Variants in HDAC9 observed in about 807,000 individuals in gnomAD.
The protein encoded by HDAC9 is MEF-2 interacting transcription repressor (MITR) protein.
HDAC9 carries 41 observed loss-of-function variants against 139.4 expected under a neutral mutation model. The observed-to-expected ratio is 0.29, with a 90% confidence interval of 0.23 to 0.38. The LOEUF (loss-of-function observed/expected upper bound fraction) is 0.38. Ranked by LOEUF, HDAC9 falls within the 10% of genes least tolerant of loss-of-function variation. The pLI is 1.00. For missense variants in HDAC9, 1,147 were observed against 1,297.0 expected, an observed-to-expected ratio of 0.88 and a Z score of 1.78; for synonymous variants, 517 against 476.2, an observed-to-expected ratio of 1.09 and a Z score of -1.12.
intron 2 of HDAC9, among the ~76,000 whole-genome samples, chr7:18,532,132 C>A (rs1385217824): frequency 6.6e-6 from 1 of 152,048 alleles, no homozygotes; most frequent in Non-Finnish European, 1.5e-5. Context: ...CACCTGTAGT[C>A]CCAGCTACTT....
chr7:18,596,554 A>G (rs984406455), intron 6 of HDAC9, among the ~76,000 whole-genome samples: 5 of 152,268 alleles, frequency 3.3e-5, no homozygotes, highest in Middle Eastern at 3.4e-3. Context: ...CAAAGCGAAC[A>G]ATAAAATTTT....
chr7:18,138,011 A>G (rs1463167149), intron 1 of HDAC9, among the ~76,000 whole-genome samples: 3 of 152,060 alleles, frequency 2.0e-5, no homozygotes, highest in South Asian at 2.1e-4. Context: ...CAGAGATTCA[A>G]CTTCTTCCTG....
intron 2 of HDAC9, among the ~76,000 whole-genome samples, chr7:18,531,735 G>A (rs981208995): frequency 1.3e-5 from 2 of 151,892 alleles, no homozygotes; most frequent in African/African-American, 4.8e-5. Context: ...GGCCTCTAAT[G>A]TGCTTGTGTA....
chr7:18,327,957 CA>C (rs2128643896), intron 1 of HDAC9, among the ~76,000 whole-genome samples: 1 of 151,952 alleles, frequency 6.6e-6, no homozygotes. Context: ...TGGCTTTCAG[CA>C]ATAGGCTGCC....
At chr7:18,507,281 C>G (rs1490916921) in intron 2 of HDAC9, among the ~76,000 whole-genome samples, 1 of 151,088 alleles carries the variant, frequency 6.6e-6, no homozygotes, top group East Asian at 1.9e-4. Flanking sequence ...AGCTCCACCT[C>G]CCGGGTTCAC....
intron 22 of HDAC9, among the ~76,000 whole-genome samples, chr7:18,906,397 G>A (rs2389993): frequency 0.77 from 116,990 of 152,036 alleles, 45,246 homozygotes; most frequent in East Asian, 0.89. Flanking sequence ...CACCTGCCTC[G>A]GCCTCCCAAA....
At chr7:18,600,433 A>G (rs1833645628) in intron 6 of HDAC9, among the ~76,000 whole-genome samples, 1 of 152,164 alleles carries the variant, frequency 6.6e-6, no homozygotes, top group Non-Finnish European at 1.5e-5. Flanking sequence ...ATTTAGATCT[A>G]TAATTCGTTT....
chr7:18,963,389 C>T (rs1204388886), intron 24 of HDAC9, among the ~76,000 whole-genome samples: 2 of 152,100 alleles, frequency 1.3e-5, no homozygotes, highest in Non-Finnish European at 2.9e-5. Flanking sequence ...CTAATTTAGA[C>T]CCTCAATATA....
chr7:18,486,974 T>C (rs537363738), intron 1 of HDAC9, among the ~76,000 whole-genome samples: 1 of 152,090 alleles, frequency 6.6e-6, no homozygotes, highest in African/African-American at 2.4e-5. Flanking sequence ...GCCAAGGAGA[T>C]CATCTTTGGA....
chr7:18,575,140 T>A (rs1825622069), intron 2 of HDAC9, among the ~76,000 whole-genome samples: 1 of 152,238 alleles, frequency 6.6e-6, no homozygotes, highest in African/African-American at 2.4e-5. Context: ...ACTTCTTAAT[T>A]TACTTTTCCT....
chr7:18,362,424 C>T (rs549948615), intron 1 of HDAC9, among the ~76,000 whole-genome samples: 2 of 152,206 alleles, frequency 1.3e-5, no homozygotes, highest in East Asian at 1.9e-4. Flanking sequence ...CTTAGATGAT[C>T]CAGTCATTAA....
intron 1 of HDAC9, among the ~76,000 whole-genome samples, chr7:18,136,059 A>G (rs879675814): frequency 0.027 from 3,881 of 146,130 alleles, 99 homozygotes; most frequent in African/African-American, 0.098. Flanking sequence ...GCCAGTGATG[A>G]TGAGCATTTT....
chr7:18,782,722 C>G (rs1791354399), intron 16 of HDAC9, among the ~76,000 whole-genome samples: 1 of 151,796 alleles, frequency 6.6e-6, no homozygotes, highest in African/African-American at 2.4e-5. Context: ...TCTTAGTTAC[C>G]ATTGACTGAG....
chr7:18,841,033 T>C (rs1291094651), intron 21 of HDAC9, among the ~76,000 whole-genome samples: 2 of 152,114 alleles, frequency 1.3e-5, no homozygotes, highest in African/African-American at 2.4e-5. Context: ...AGAGATTTCT[T>C]AGAATGGTTG....
chr7:18,675,266 T>C (rs1183103426), intron 12 of HDAC9, among the ~76,000 whole-genome samples: 1 of 152,066 alleles, frequency 6.6e-6, no homozygotes, highest in Non-Finnish European at 1.5e-5. Flanking sequence ...TGCATGGAAC[T>C]GCCTCGTACG....
intron 1 of HDAC9, among the ~76,000 whole-genome samples, chr7:18,093,749 G>C (rs1362710576): frequency 6.6e-6 from 1 of 152,028 alleles, no homozygotes; most frequent in African/African-American, 2.4e-5. Flanking sequence ...CCACTGTTTT[G>C]ATCTTGAAAA....
rs11980192 is a variant in HDAC9 at position 18,762,853 on chromosome 7, T to A, written c.2164+576T>A. On this transcript the variant is annotated intron_variant, in intron 15 of 25. Coordinates refer to ENST00000686413, the MANE Select transcript of HDAC9 (RefSeq NM_178425.4). ...AACAGTTTTTTGTTAATGTATGATT[T>A]TTTGAAACTTTATCGTCAGATTTTA... Among the ~76,000 whole-genome samples the A allele has an allele frequency of 5.7e-3, 862 of 152,302 alleles. 7 individuals are homozygous for A. The highest frequency in any genetic ancestry group is 0.019 in the African/African-American group (810 of 41,580).
chr7:18,990,434 G>A (rs1042747665), intron 25 of HDAC9, among the ~76,000 whole-genome samples: 3 of 152,372 alleles, frequency 2.0e-5, no homozygotes, highest in Admixed American at 2.0e-4. Flanking sequence ...TGCTGGGAGA[G>A]CCACTGCTCT....
At chr7:18,300,857 A>G (rs1272650757) in intron 1 of HDAC9, among the ~76,000 whole-genome samples, 1 of 152,180 alleles carries the variant, frequency 6.6e-6, no homozygotes, top group Non-Finnish European at 1.5e-5. Context: ...AAATATAATT[A>G]TTGTATTAAA....
Sources: allele counts gnomAD v4.1 joint callset (sites outside exome capture counted in the v4.1 genomes callset), GRCh38; gene constraint gnomAD v4.1.1; transcripts MANE v1.5; gene names NCBI Gene and HGNC (gene_info 2026-07-23, HGNC 2026-07-21).